The following EDIL3 variants were observed in gnomAD, a reference collection of about 807,000 sequenced individuals.
EDIL3 encodes the protein EGF like and discoidin domains 3.
In EDIL3, 37 loss-of-function variants were observed where a neutral mutation model predicts 67.4. The ratio of observed to expected loss-of-function variants is 0.55; its 90% CI spans 0.42 to 0.72. The LOEUF (loss-of-function observed/expected upper bound fraction) is 0.72, where lower values mean the gene tolerates loss of function less well. Among genes scored for constraint, EDIL3 ranks in the 30% least tolerant of loss-of-function variants. The pLI is 0.00. For synonymous variants in EDIL3, 195 were observed against 196.3 expected (o/e 0.99, Z 0.05); for missense variants, 527 against 586.3 (o/e 0.90, Z 1.04).
chr5:84,376,324 T>C (rs1747967573), intron 1 of EDIL3, among the ~76,000 whole-genome samples: 1 of 152,014 alleles, frequency 6.6e-6, no homozygotes, highest in Non-Finnish European at 1.5e-5. Flanking sequence ...GGTCCCTAAG[T>C]AATGAAAAGA....
chr5:84,365,985 A>G (rs1303916908), intron 1 of EDIL3, among the ~76,000 whole-genome samples: 1 of 152,170 alleles, frequency 6.6e-6, no homozygotes, highest in African/African-American at 2.4e-5. Context: ...CAGGGCAAAT[A>G]AATGTTTCAT....
chr5:84,299,761 T>C (rs1445788104), intron 1 of EDIL3, among the ~76,000 whole-genome samples: 2 of 152,196 alleles, frequency 1.3e-5, no homozygotes, highest in Non-Finnish European at 2.9e-5. Context: ...TACATATGTA[T>C]GTATAACCTC....
intron 1 of EDIL3, among the ~76,000 whole-genome samples, chr5:84,298,396 A>G (rs1187925298): frequency 6.6e-6 from 1 of 152,140 alleles, no homozygotes; most frequent in Non-Finnish European, 1.5e-5. Context: ...TAAACACTGT[A>G]TGTTCTCACT....
chr5:84,359,811 A>G (rs781550807), intron 1 of EDIL3, among the ~76,000 whole-genome samples: 21 of 152,168 alleles, frequency 1.4e-4, no homozygotes, highest in Non-Finnish European at 2.6e-4. Context: ...AGCACAGTCT[A>G]TGGGGCAGGT....
At chr5:84,238,932 T>C (rs1198644158) in intron 2 of EDIL3, among the ~76,000 whole-genome samples, 1 of 152,068 alleles carries the variant, frequency 6.6e-6, no homozygotes, top group Non-Finnish European at 1.5e-5. Context: ...TCTAATCTTT[T>C]AGAATATTTT....
intron 6 of EDIL3, among the ~76,000 whole-genome samples, chr5:84,082,047 T>C (rs1746980327): frequency 1.3e-5 from 2 of 152,230 alleles, no homozygotes; most frequent in Non-Finnish European, 2.9e-5. Context: ...GATAATCATA[T>C]CTCCATCCAG....
At chr5:83,973,717 C>T (rs1358181625) in intron 9 of EDIL3, among the ~76,000 whole-genome samples, 1 of 151,950 alleles carries the variant, frequency 6.6e-6, no homozygotes, top group Non-Finnish European at 1.5e-5. Flanking sequence ...TTTCCAAACA[C>T]AAAACATCTA....
At chr5:84,303,992 C>T (rs2112133743) in intron 1 of EDIL3, among the ~76,000 whole-genome samples, 1 of 152,076 alleles carries the variant, frequency 6.6e-6, no homozygotes, top group East Asian at 1.9e-4. Flanking sequence ...CCATATCAAT[C>T]CATATAAATT....
chr5:84,292,296 TA>T, intron 1 of EDIL3, among the ~76,000 whole-genome samples: 1 of 152,312 alleles, frequency 6.6e-6, no homozygotes, highest in South Asian at 2.1e-4. Context: ...TGATTTTTTT[TA>T]AATCACAAAA....
intron 6 of EDIL3, among the ~76,000 whole-genome samples, chr5:84,071,572 G>C (rs890922065): frequency 1.2e-4 from 19 of 152,282 alleles, no homozygotes; most frequent in African/African-American, 4.3e-4. Flanking sequence ...CAATGGAGTG[G>C]TTTCAATAGC....
intron 1 of EDIL3, among the ~76,000 whole-genome samples, chr5:84,376,762 T>C (rs1199170156): frequency 6.6e-6 from 1 of 152,176 alleles, no homozygotes; most frequent in African/African-American, 2.4e-5. Context: ...TCAGTATATA[T>C]TAAGTGTCTG....
At chr5:84,125,582 A>G (rs1459270628) in intron 5 of EDIL3, among the ~76,000 whole-genome samples, 1 of 152,168 alleles carries the variant, frequency 6.6e-6, no homozygotes, top group African/African-American at 2.4e-5. Context: ...ATGTGTGTTT[A>G]GTGGCAGTAC....
rs537334334 is a variant in EDIL3, at chr5:84,306,783, C to T, written c.68-52571G>A. The stretch of plus-strand genomic sequence containing the variant: ...TGATTTAATCAGCAGCTGTATCTTA[C>T]GGAAAGTCACACTTTCCAAACTGAG... On this transcript the variant is annotated intron_variant, in intron 1 of 10. Transcript: ENST00000296591. Among the ~76,000 whole-genome samples, 4 of 152,312 alleles carry T rather than the reference C, an allele frequency of 2.6e-5. No homozygotes were observed. In the South Asian group the frequency reaches 6.2e-4, roughly 24 times the overall value.
intron 3 of EDIL3, chr5:84,181,051 A>G (rs1454775583): frequency 1.3e-5 from 2 of 152,202 alleles, no homozygotes; most frequent in African/African-American, 4.8e-5. Flanking sequence ...TGAATTGGAT[A>G]GCTGGCTGCA....
chr5:84,330,065 T>C (rs1171359883), intron 1 of EDIL3, among the ~76,000 whole-genome samples: 1 of 152,172 alleles, frequency 6.6e-6, no homozygotes, highest in African/African-American at 2.4e-5. Flanking sequence ...AAAATGTGCA[T>C]GTAATTTTCC....
intron 3 of EDIL3, among the ~76,000 whole-genome samples, chr5:84,223,841 T>A (rs1744397243): frequency 6.6e-6 from 1 of 151,052 alleles, no homozygotes; most frequent in Non-Finnish European, 1.5e-5. Flanking sequence ...AGTAATCATT[T>A]TACTATATAT....
rs570347464 is a variant in EDIL3, at chr5:84,226,498, A to G, written c.226+3357T>C. Among the ~76,000 whole-genome samples, 16 of 151,924 alleles carry G rather than the reference A, an allele frequency of 1.1e-4. 1 individual carries two copies. The South Asian group carries it at 1.5e-3, about 14-fold the overall frequency. On this transcript the variant is annotated intron_variant, in intron 3 of 10. Coordinates refer to ENST00000296591, the MANE Select transcript of EDIL3 (RefSeq NM_005711.5). Reference sequence around the variant, plus strand: ...ACTCAAAAATCTCAATCCAATTTTCATAATTATTCGTATTCCTTATGAAAT... The same window carrying G: ...ACTCAAAAATCTCAATCCAATTTTCGTAATTATTCGTATTCCTTATGAAAT...
intron 10 of EDIL3, among the ~76,000 whole-genome samples, chr5:83,954,349 G>A (rs189996911): frequency 3.3e-5 from 5 of 151,898 alleles, no homozygotes; most frequent in Non-Finnish European, 7.4e-5. Context: ...TGTTGGAGCT[G>A]TAGCCTAGGG....
intron 9 of EDIL3, among the ~76,000 whole-genome samples, chr5:84,014,008 T>A (rs571012370): frequency 1.4e-3 from 211 of 152,302 alleles, no homozygotes; most frequent in African/African-American, 4.9e-3. Flanking sequence ...ACTTATATCA[T>A]GTTTGACTTT....
Sources: gnomAD v4.1 joint callset for allele counts (sites outside exome capture counted in the v4.1 genomes callset) on GRCh38, gnomAD v4.1.1 for gene constraint, MANE v1.5 for transcripts, NCBI Gene and HGNC (gene_info 2026-07-23, HGNC 2026-07-21) for gene names.